The following EXTL3 variants were observed in gnomAD, a reference collection of about 807,000 sequenced individuals.
EXTL3 encodes the protein exostosin-like 3.
Under a neutral mutation model 69.3 loss-of-function variants are expected in EXTL3, and 27 were observed. That is an observed-to-expected ratio of 0.39 (90% CI 0.29 to 0.54). EXTL3 has a LOEUF of 0.54. EXTL3 is among the 20% of genes least tolerant of loss of function. The pLI is 0.69. For synonymous variants in EXTL3, 511 were observed against 499.4 expected (o/e 1.02, Z -0.31); for missense variants, 1,003 against 1,231.8 (o/e 0.81, Z 2.78).
rs1484036079 is a variant in EXTL3 at position 28,743,199 on chromosome 8, G to T, written c.2535G>T (p.Arg845=). 1 of 1,614,172 alleles carries T rather than the reference G, an allele frequency of 6.2e-7. No homozygotes were observed. The highest frequency in any genetic ancestry group is 8.5e-7 in the Non-Finnish European group (1 of 1,180,012). The change falls in exon 6 of 7, where the codon CGG becomes CGT. Residue 845 remains arginine (R), a synonymous_variant. Coordinates refer to ENST00000220562, the MANE Select transcript of EXTL3 (RefSeq NM_001440.4). Reference sequence around the variant, plus strand: ...ACTTCCTTGTCTCCCACATCACTCGGAAGCCCCCCATCAAGGTGAGGTCCC... The same window carrying T: ...ACTTCCTTGTCTCCCACATCACTCGTAAGCCCCCCATCAAGGTGAGGTCCC... ...AMNFLVSHIT[R]KPPIKVTSRW...
intron 3 of EXTL3, among the ~76,000 whole-genome samples, chr8:28,730,944 C>T (rs754733022): frequency 3.9e-5 from 6 of 152,144 alleles, no homozygotes; most frequent in Non-Finnish European, 8.8e-5. Context: ...TTCCCTACAT[C>T]GTGTTTATTG....
chr8:28,664,960 A>G (rs1441768761), intron 1 of EXTL3, among the ~76,000 whole-genome samples: 4 of 150,100 alleles, frequency 2.7e-5, no homozygotes, highest in African/African-American at 9.8e-5. Flanking sequence ...TGGAATTCCT[A>G]TGAAAGGAAT....
chr8:28,725,976 G>GTTTTTTTT, intron 3 of EXTL3, among the ~76,000 whole-genome samples: 1 of 146,004 alleles, frequency 6.8e-6, no homozygotes. Context: ...TTTTTTCCGA[G>GTTTTTTTT]ATGGAGTCTC....
chr8:28,637,101 A>G lies in EXTL3; in HGVS notation c.-53+14291A>G, dbSNP rs537103581. Among the ~76,000 whole-genome samples the G allele has an allele frequency of 3.1e-4, 47 of 152,328 alleles. 2 individuals carry two copies. The highest frequency in any genetic ancestry group is 2.5e-3 in the Admixed American group (38 of 15,302). ...TAAAAGTTCCTCTTTCAGGTCATTA[A>G]TGAAAAATATCCCAGTAATAACATT... On this transcript the variant is annotated intron_variant, in intron 1 of 6. Transcript: ENST00000523149.
At chr8:28,699,352 A>G (rs1461114543), upstream of EXTL3, 1 of 152,638 alleles carries the variant, frequency 6.6e-6, no homozygotes, top group South Asian at 2.1e-4. Context: ...AAGTAGCCCC[A>G]GTCATATCAT....
At chr8:28,650,820 CT>C (rs1806908333) in intron 1 of EXTL3, among the ~76,000 whole-genome samples, 1 of 151,996 alleles carries the variant, frequency 6.6e-6, no homozygotes, top group African/African-American at 2.4e-5. Context: ...AATACCATAC[CT>C]TGTTAAAAGC....
intron 1 of EXTL3, among the ~76,000 whole-genome samples, chr8:28,691,030 TAGAC>T (rs1800606824): frequency 6.6e-6 from 1 of 152,142 alleles, no homozygotes; most frequent in South Asian, 2.1e-4. Context: ...TGTGTGTTGT[TAGAC>T]AGGCTAGACT....
intron 1 of EXTL3, among the ~76,000 whole-genome samples, chr8:28,711,338 T>C (rs1801026717): frequency 6.6e-6 from 1 of 152,184 alleles, no homozygotes; most frequent in South Asian, 2.1e-4. Flanking sequence ...TCTTTAGGTT[T>C]GTTTTGTTTT....
chr8:28,626,553 C>T lies in EXTL3; in HGVS notation c.-53+3743C>T, dbSNP rs1400349012. ...ACATGATTTCATTTGGTTTTTGTAA[C>T]CACCCTTTGCTTTTTGTAGGGTAGA... On this transcript the variant is annotated intron_variant, in intron 1 of 6. Transcript: ENST00000523149. 2.6e-5 allele frequency among the ~76,000 whole-genome samples: 4 copies of T among 152,166 alleles called. No homozygotes were observed. In the East Asian group the frequency reaches 7.7e-4, roughly 29 times the overall value.
intron 1 of EXTL3, among the ~76,000 whole-genome samples, chr8:28,671,311 T>G (rs906130742): frequency 8.1e-6 from 1 of 122,990 alleles, no homozygotes; most frequent in African/African-American, 4.7e-5. Context: ...TGTTTTTTGT[T>G]TTTTTTTTTT....
chr8:28,722,320 G>A (rs1415194639), intron 3 of EXTL3, among the ~76,000 whole-genome samples: 6 of 152,176 alleles, frequency 3.9e-5, no homozygotes, highest in Admixed American at 1.3e-4. Context: ...TGATTTTTAT[G>A]GAACTATGGG....
At chr8:28,648,694 C>T (rs1484879261) in intron 1 of EXTL3, among the ~76,000 whole-genome samples, 2 of 151,222 alleles carry the variant, frequency 1.3e-5, no homozygotes, top group South Asian at 2.1e-4. Context: ...GGCATGCTGT[C>T]CTCCTGTTAC....
chr8:28,612,480 A>T (rs905361762), intron 2 of EXTL3, among the ~76,000 whole-genome samples: 3 of 151,560 alleles, frequency 2.0e-5, no homozygotes, highest in African/African-American at 7.3e-5. Flanking sequence ...AAAAAAAAGA[A>T]AAAAGAAAAA....
In EXTL3 at chr8:28,678,521, T is replaced by C. The variant is rs577544572; in HGVS notation, c.-52-34936T>C. Among the ~76,000 whole-genome samples the C allele has an allele frequency of 9.9e-5, 15 of 152,230 alleles. No individual in the cohort carries two copies. In the South Asian group the frequency reaches 3.1e-3, roughly 32 times the overall value. On this transcript the variant is annotated intron_variant, in intron 1 of 6. Coordinates refer to the EXTL3 transcript ENST00000523149. ...CTCTCCCCTCTCTCTTTGCTTTTTC[T>C]CTCTCCATGTGATCTCTGCACACGC...
intron 1 of EXTL3, among the ~76,000 whole-genome samples, chr8:28,710,044 G>C (rs1801002008): frequency 6.6e-6 from 1 of 152,212 alleles, no homozygotes; most frequent in African/African-American, 2.4e-5. Flanking sequence ...TCTGATTAGG[G>C]AAAAGAGTAA....
intron 3 of EXTL3, among the ~76,000 whole-genome samples, chr8:28,718,687 C>A (rs1801222640): frequency 6.6e-6 from 1 of 152,164 alleles, no homozygotes; most frequent in Admixed American, 6.5e-5. Context: ...TTTAGTATGT[C>A]TGATTCCAGA....
chr8:28,652,057 G>GTGTGTA (rs1251742179), intron 1 of EXTL3, among the ~76,000 whole-genome samples: 4 of 152,004 alleles, frequency 2.6e-5, no homozygotes, highest in Non-Finnish European at 5.9e-5. Context: ...GTGTGTGTGT[G>GTGTGTA]TGTATGTATA....
intron 1 of EXTL3, among the ~76,000 whole-genome samples, chr8:28,670,208 C>CCAAAAAAAAAAAAAAAA (rs1807263802): frequency 1.2e-5 from 1 of 80,414 alleles, no homozygotes; most frequent in Admixed American, 1.8e-4. Context: ...GACTCTGTCT[C>CCAAAAAAAAAAAAAAAA]AAAAAAAAAA....
In EXTL3 at chr8:28,744,405, C is replaced by G. The variant is rs918601258; in HGVS notation, c.2550+1191C>G. ...GGGTGCGGTGGCTCATGCCTGTAAT[C>G]CCAGCACTTTTGGAGGCTGAGGCAG... On this transcript the variant is annotated intron_variant, in intron 6 of 6. Coordinates refer to ENST00000220562, the MANE Select transcript of EXTL3 (RefSeq NM_001440.4). Among the ~76,000 whole-genome samples the G allele has an allele frequency of 5.3e-5, 8 of 152,216 alleles. No homozygotes were observed. In the East Asian group the frequency reaches 7.7e-4, roughly 15 times the overall value.
Sources: allele counts gnomAD v4.1 joint callset (sites outside exome capture counted in the v4.1 genomes callset), GRCh38; gene constraint gnomAD v4.1.1; transcripts MANE v1.5; gene names NCBI Gene and HGNC (gene_info 2026-07-23, HGNC 2026-07-21).